MAPK10: variants seen among roughly 807,000 people sequenced by gnomAD.
The protein encoded by MAPK10 is JNK3 alpha protein kinase.
A neutral mutation model predicts 59.3 loss-of-function variants in MAPK10; 25 were observed. That is an observed-to-expected ratio of 0.42 (90% CI 0.31 to 0.59). The LOEUF is 0.59. Among genes scored for constraint, MAPK10 ranks in the 20% least tolerant of loss-of-function variants. MAPK10 has a pLI of 0.15. For missense variants in MAPK10, 351 were observed against 568.9 expected (o/e 0.62, Z 3.90); for synonymous variants, 190 against 200.5 (o/e 0.95, Z 0.44).
upstream of MAPK10, among the ~76,000 whole-genome samples, chr4:86,456,180 G>T (rs1458896095): frequency 6.6e-6 from 1 of 152,122 alleles, no homozygotes; most frequent in African/African-American, 2.4e-5. Flanking sequence ...AAAGTTCATA[G>T]CTCTAAATGC....
chr4:86,135,230 G>A (rs1580974809), intron 4 of MAPK10, among the ~76,000 whole-genome samples: 1 of 152,318 alleles, frequency 6.6e-6, no homozygotes. Context: ...ACCTCTGGGG[G>A]CAGGGCACAG....
intron 3 of MAPK10, among the ~76,000 whole-genome samples, chr4:86,190,229 C>G (rs563310782): frequency 1.2e-4 from 18 of 152,184 alleles, no homozygotes; most frequent in African/African-American, 4.1e-4. Context: ...GTGTCTCTGC[C>G]AGGTTTTGGT....
intron 2 of MAPK10, chr4:86,325,998 A>G (rs1239269140): frequency 6.6e-6 from 1 of 152,188 alleles, no homozygotes; most frequent in Non-Finnish European, 1.5e-5. Context: ...CAAAATTACA[A>G]TAAATGTTAA....
At chr4:86,314,419 C>G (rs1286440875) in intron 2 of MAPK10, among the ~76,000 whole-genome samples, 1 of 152,242 alleles carries the variant, frequency 6.6e-6, no homozygotes, top group South Asian at 2.1e-4. Context: ...CTCACGTGAT[C>G]TGATGGTTTT....
intron 11 of MAPK10, among the ~76,000 whole-genome samples, chr4:86,057,597 GT>G (rs1419398029): frequency 4.8e-5 from 7 of 146,538 alleles, no homozygotes; most frequent in South Asian, 2.2e-4. Context: ...GCAGGGACCT[GT>G]TTTTTTTTCA....
At chr4:86,497,918 T>A (rs920530628) in intron 1 of MAPK10, among the ~76,000 whole-genome samples, 1 of 152,218 alleles carries the variant, frequency 6.6e-6, no homozygotes, top group African/African-American at 2.4e-5. Context: ...AATCTATGGA[T>A]GGATTTTCCA....
At chr4:86,386,486 G>GAA (rs747595568) in intron 1 of MAPK10, among the ~76,000 whole-genome samples, 2 of 152,050 alleles carry the variant, frequency 1.3e-5, no homozygotes, top group Non-Finnish European at 2.9e-5. Flanking sequence ...TCTGAGAGTT[G>GAA]GTTCATTGGT....
chr4:86,268,803 AT>A (rs906012931), intron 2 of MAPK10, among the ~76,000 whole-genome samples: 49 of 152,252 alleles, frequency 3.2e-4, no homozygotes, highest in African/African-American at 1.1e-3. Flanking sequence ...CTTGTATATT[AT>A]CCCATTTTTA....
At chr4:86,208,548 G>C (rs970548562) in intron 2 of MAPK10, among the ~76,000 whole-genome samples, 1 of 151,670 alleles carries the variant, frequency 6.6e-6, no homozygotes, top group Non-Finnish European at 1.5e-5. Context: ...AACACTTCAT[G>C]CTAAAAACTC....
intron 2 of MAPK10, among the ~76,000 whole-genome samples, chr4:86,216,282 CATATATATATAGCAT>C (rs1563202219): frequency 1.4e-5 from 2 of 141,410 alleles, no homozygotes; most frequent in African/African-American, 5.2e-5. Context: ...AGCACACACA[CATATATATATAGCAT>C]ATATATATAT....
chr4:86,132,537 C>A (rs2061194196), intron 4 of MAPK10, among the ~76,000 whole-genome samples: 1 of 152,162 alleles, frequency 6.6e-6, no homozygotes, highest in African/African-American at 2.4e-5. Context: ...ATCTTAAGTT[C>A]TATTCCAATT....
At chr4:86,195,595 A>C (rs565263642) in intron 2 of MAPK10, among the ~76,000 whole-genome samples, 40 of 152,288 alleles carry the variant, frequency 2.6e-4, no homozygotes, top group African/African-American at 9.4e-4. Flanking sequence ...ATTATACTTT[A>C]AGTACTGGGA....
intron 11 of MAPK10, among the ~76,000 whole-genome samples, chr4:86,053,401 G>T (rs1347199481): frequency 2.6e-5 from 4 of 152,144 alleles, no homozygotes; most frequent in Non-Finnish European, 5.9e-5. Flanking sequence ...TAGTTTGATT[G>T]TTTTAGCAAC....
chr4:86,153,947 G>T lies in MAPK10; in HGVS notation c.236+5351C>A, dbSNP rs560350014. Among the ~76,000 whole-genome samples the T allele has an allele frequency of 2.0e-5, 3 of 152,244 alleles. No individual in the cohort carries two copies. The South Asian group carries it at 6.2e-4, about 32-fold the overall frequency. On this transcript the variant is annotated intron_variant, in intron 4 of 13. Transcript: ENST00000641462. ...ATTAATGGAAAATGCCAGGGATGAA[G>T]AATATGCTGATATTACAGATGTACA...
At chr4:86,591,080 TTATG>T (rs1565088445) in intron 1 of MAPK10, among the ~76,000 whole-genome samples, 2 of 152,110 alleles carry the variant, frequency 1.3e-5, no homozygotes, top group Non-Finnish European at 2.9e-5. Flanking sequence ...ATATTTTACA[TTATG>T]TATGTATTTA....
chr4:86,272,255 G>GTACCT (rs2094456295), intron 2 of MAPK10, among the ~76,000 whole-genome samples: 1 of 151,980 alleles, frequency 6.6e-6, no homozygotes, highest in Admixed American at 6.6e-5. Flanking sequence ...TGTATTGTGT[G>GTACCT]TACCTTCTCC....
intron 2 of MAPK10, among the ~76,000 whole-genome samples, chr4:86,250,454 C>T (rs998625495): frequency 6.6e-6 from 1 of 152,114 alleles, no homozygotes; most frequent in African/African-American, 2.4e-5. Flanking sequence ...AAAAATAACT[C>T]TTATTCCCGC....
intron 2 of MAPK10, among the ~76,000 whole-genome samples, chr4:86,256,734 C>CTTTTTTTTT (rs767737802): frequency 2.6e-3 from 153 of 59,604 alleles, no homozygotes; most frequent in Non-Finnish European, 3.2e-3. Context: ...TTCTTTCTTT[C>CTTTTTTTTT]TTTTTTTTTT....
chr4:86,240,582 C>T (rs115075084), intron 2 of MAPK10, among the ~76,000 whole-genome samples: 12,929 of 151,996 alleles, frequency 0.085, 1,220 homozygotes, highest in African/African-American at 0.23. Flanking sequence ...TTCCCTTTAT[C>T]GTTATGTAAT....
Sources: gnomAD v4.1 joint callset for allele counts (sites outside exome capture counted in the v4.1 genomes callset) on GRCh38, gnomAD v4.1.1 for gene constraint, MANE v1.5 for transcripts, NCBI Gene and HGNC (gene_info 2026-07-23, HGNC 2026-07-21) for gene names.